ZFAND6: variants seen among roughly 807,000 people sequenced by gnomAD.
The protein encoded by ZFAND6 is AN1-type zinc finger protein 6.
ZFAND6 carries 12 observed loss-of-function variants against 24.5 expected under a neutral mutation model. The ratio of observed to expected loss-of-function variants is 0.49; its 90% CI spans 0.31 to 0.79. The LOEUF is 0.79. ZFAND6 is among the 30% of genes least tolerant of loss of function. The pLI is 0.04. For synonymous variants in ZFAND6, 92 were observed against 81.5 expected (o/e 1.13, Z -0.69); for missense variants, 207 against 245.9 (o/e 0.84, Z 1.06).
intron 1 of ZFAND6, among the ~76,000 whole-genome samples, chr15:80,078,053 T>G (rs1291453387): frequency 6.6e-6 from 1 of 152,212 alleles, no homozygotes; most frequent in Non-Finnish European, 1.5e-5. Context: ...TTTGCTATAT[T>G]TTATTTTTTC....
At chr15:80,110,371 T>C (rs928017222) in intron 2 of ZFAND6, among the ~76,000 whole-genome samples, 1 of 152,152 alleles carries the variant, frequency 6.6e-6, no homozygotes, top group African/African-American at 2.4e-5. Flanking sequence ...CCAAAAGATA[T>C]GCAAGACCTC....
chr15:80,070,511 C>T (rs1242678901), intron 1 of ZFAND6, among the ~76,000 whole-genome samples: 1 of 152,154 alleles, frequency 6.6e-6, no homozygotes, highest in Admixed American at 6.5e-5. Flanking sequence ...AATAAGCTAA[C>T]TCTTAATTTT....
chr15:80,091,814 AT>A (rs1567066458), intron 1 of ZFAND6, among the ~76,000 whole-genome samples: 1 of 151,998 alleles, frequency 6.6e-6, no homozygotes, highest in East Asian at 1.9e-4. Flanking sequence ...TAATTTTAAA[AT>A]TTTTTGTAGA....
intron 6 of ZFAND6, 200 bp downstream of exon 6, chr15:80,131,493 A>G (rs1944069215): frequency 2.1e-6 from 1 of 469,068 alleles, no homozygotes; most frequent in African/African-American, 2.0e-5. Flanking sequence ...TTTTTTAAAA[A>G]AAGTTTTATT....
intron 1 of ZFAND6, among the ~76,000 whole-genome samples, chr15:80,093,063 T>C (rs879944442): frequency 6.6e-6 from 1 of 151,882 alleles, no homozygotes; most frequent in Non-Finnish European, 1.5e-5. Context: ...CAAGCAATTC[T>C]CCTGCCTCAG....
intron 1 of ZFAND6, among the ~76,000 whole-genome samples, chr15:80,073,922 A>G (rs2037121168): frequency 6.6e-6 from 1 of 151,878 alleles, no homozygotes; most frequent in Non-Finnish European, 1.5e-5. Flanking sequence ...ACCTGTGTGT[A>G]GCTGTAAAAT....
intron 1 of ZFAND6, among the ~76,000 whole-genome samples, chr15:80,093,112 G>A (rs2038487813): frequency 6.6e-6 from 1 of 151,662 alleles, no homozygotes; most frequent in Admixed American, 6.6e-5. Context: ...GCGCTACCAT[G>A]CCCAGCTAAT....
chr15:80,098,095 G>T (rs1319937902), intron 1 of ZFAND6, among the ~76,000 whole-genome samples: 2 of 152,162 alleles, frequency 1.3e-5, no homozygotes, highest in Non-Finnish European at 2.9e-5. Context: ...TTAGTTGGTA[G>T]CTGTTTATTC....
intron 1 of ZFAND6, among the ~76,000 whole-genome samples, chr15:80,083,001 A>C (rs1256546129): frequency 6.6e-6 from 1 of 151,878 alleles, no homozygotes; most frequent in African/African-American, 2.4e-5. Flanking sequence ...TTATTTATTT[A>C]TTTATTTTGA....
chr15:80,088,633 G>T (rs952057893), intron 1 of ZFAND6, among the ~76,000 whole-genome samples: 1 of 152,148 alleles, frequency 6.6e-6, no homozygotes, highest in Non-Finnish European at 1.5e-5. Flanking sequence ...ACATAATTTT[G>T]TGAGTTTTCT....
intron 1 of ZFAND6, among the ~76,000 whole-genome samples, chr15:80,095,754 T>C (rs2038682478): frequency 6.6e-6 from 1 of 152,238 alleles, no homozygotes; most frequent in African/African-American, 2.4e-5. Flanking sequence ...CTGTACTCTG[T>C]ACCACGTGAG....
At chr15:80,131,365 T>TA in intron 6 of ZFAND6, 72 bp downstream of exon 6, 1 of 1,286,254 alleles carries the variant, frequency 7.8e-7, no homozygotes, top group Non-Finnish European at 1.1e-6. Flanking sequence ...TGTTGTTGAC[T>TA]TCAATTAAGA....
At chr15:80,092,876 TGAA>T (rs952919443) in intron 1 of ZFAND6, among the ~76,000 whole-genome samples, 3 of 152,208 alleles carry the variant, frequency 2.0e-5, no homozygotes, top group Non-Finnish European at 4.4e-5. Context: ...TTTAGCTCTC[TGAA>T]GAAGTCTTTT....
intron 2 of ZFAND6, among the ~76,000 whole-genome samples, chr15:80,118,219 T>G (rs2039981884): frequency 6.6e-6 from 1 of 151,972 alleles, no homozygotes. Flanking sequence ...CCTTCCCAGG[T>G]TCAAGCGATC....
At chr15:80,084,828 G>A (rs924507389) in intron 1 of ZFAND6, among the ~76,000 whole-genome samples, 2 of 152,186 alleles carry the variant, frequency 1.3e-5, no homozygotes, top group African/African-American at 4.8e-5. Context: ...TGAGGACCAG[G>A]TGAGTGTCAT....
intron 1 of ZFAND6, among the ~76,000 whole-genome samples, chr15:80,094,637 G>T (rs1164536758): frequency 2.0e-5 from 3 of 152,138 alleles, no homozygotes; most frequent in Admixed American, 6.5e-5. Flanking sequence ...CTTACATCAT[G>T]TTCCTTCACC....
intron 1 of ZFAND6, among the ~76,000 whole-genome samples, chr15:80,084,936 A>T (rs1412987017): frequency 6.6e-6 from 1 of 152,200 alleles, no homozygotes; most frequent in African/African-American, 2.4e-5. Flanking sequence ...CTTGGTTCCT[A>T]TACCAAATAC....
At chr15:80,112,294 A>G (rs897975761) in intron 2 of ZFAND6, among the ~76,000 whole-genome samples, 5 of 152,170 alleles carry the variant, frequency 3.3e-5, no homozygotes, top group Non-Finnish European at 5.9e-5. Flanking sequence ...TACAAAGCAC[A>G]GTCAGTACAG....
intron 2 of ZFAND6, among the ~76,000 whole-genome samples, chr15:80,118,126 A>G (rs2039974904): frequency 2.6e-5 from 4 of 151,676 alleles, no homozygotes; most frequent in Admixed American, 2.6e-4. Flanking sequence ...CACTTATTTT[A>G]TTTATTTATT....
Sources: gnomAD v4.1 joint callset for allele counts (sites outside exome capture counted in the v4.1 genomes callset) on GRCh38, gnomAD v4.1.1 for gene constraint, MANE v1.5 for transcripts, NCBI Gene and HGNC (gene_info 2026-07-23, HGNC 2026-07-21) for gene names.